GLT1D1: variants seen among roughly 807,000 people sequenced by gnomAD.
The protein encoded by GLT1D1 is glycosyltransferase 1 domain containing 1.
A neutral mutation model predicts 28.7 loss-of-function variants in GLT1D1; 21 were observed. That is an observed-to-expected ratio of 0.73 (90% confidence interval 0.52 to 1.05). The LOEUF is 1.05. Ranked by LOEUF, GLT1D1 falls within the 50% of genes least tolerant of loss-of-function variation. GLT1D1 has a pLI of 0.00. For synonymous variants in GLT1D1, 147 were observed against 124.8 expected, an observed-to-expected ratio of 1.18 and a Z score of -1.19; for missense variants, 343 against 330.6, an observed-to-expected ratio of 1.04 and a Z score of -0.29.
At chr12:128,907,303 C>CTT (rs11341281) in intron 4 of GLT1D1, among the ~76,000 whole-genome samples, 10 of 115,754 alleles carry the variant, frequency 8.6e-5, no homozygotes, top group South Asian at 2.8e-4. Context: ...GGAAGCTAAT[C>CTT]TTTTTTTTTT....
intron 4 of GLT1D1, among the ~76,000 whole-genome samples, chr12:128,936,158 T>TC (rs1391796032): frequency 1.3e-5 from 2 of 148,180 alleles, no homozygotes; most frequent in East Asian, 2.0e-4. Flanking sequence ...TAAAATATCT[T>TC]TTTTTTTTTT....
chr12:128,972,262 G>A (rs946683671), intron 7 of GLT1D1, among the ~76,000 whole-genome samples: 2 of 152,220 alleles, frequency 1.3e-5, no homozygotes, highest in Non-Finnish European at 2.9e-5. Context: ...TGTGACCACC[G>A]CCCATGCGGT....
At chr12:128,861,253 A>T (rs28451437) in intron 1 of GLT1D1, among the ~76,000 whole-genome samples, 1 of 152,178 alleles carries the variant, frequency 6.6e-6, no homozygotes, top group East Asian at 1.9e-4. Context: ...TGTTGTTCAC[A>T]TTTCTGCTTT....
chr12:128,972,869 GA>G lies in GLT1D1; in HGVS notation c.640-10057del, dbSNP rs1377963187. Among the ~76,000 whole-genome samples the G allele has an allele frequency of 5.9e-5, 9 of 152,308 alleles. No homozygotes were observed. In the East Asian group the frequency reaches 1.4e-3, roughly 23 times the overall value. On this transcript the variant is annotated intron_variant, in intron 7 of 7. Transcript: ENST00000281703. ...CTGTGTGCATCCATTGTGCAATGATGAAATCGAGCTAATTAACATTTCCATC... is the reference window on the plus strand; with the variant it reads ...CTGTGTGCATCCATTGTGCAATGATGAATCGAGCTAATTAACATTTCCATC...
chr12:128,890,868 C>T (rs1868967786), intron 3 of GLT1D1, among the ~76,000 whole-genome samples: 2 of 152,054 alleles, frequency 1.3e-5, no homozygotes, highest in African/African-American at 4.8e-5. Context: ...ACATGGTGGC[C>T]TGTGCCTGTA....
chr12:128,934,196 G>GTTTTTTTTTTTT (rs1410503648), intron 4 of GLT1D1, among the ~76,000 whole-genome samples: 1 of 128,686 alleles, frequency 7.8e-6, no homozygotes. Context: ...CAAAGAGACA[G>GTTTTTTTTTTTT]TCTTTTTTTT....
intron 6 of GLT1D1, among the ~76,000 whole-genome samples, chr12:128,954,192 C>T (rs1371413531): frequency 1.3e-5 from 2 of 151,514 alleles, no homozygotes; most frequent in Non-Finnish European, 2.9e-5. Flanking sequence ...GGCGCGATCT[C>T]GGCTCACTGC....
intron 4 of GLT1D1, chr12:128,914,987 C>T: frequency 6.5e-7 from 1 of 1,535,046 alleles, no homozygotes; most frequent in Non-Finnish European, 8.7e-7. Context: ...CTTCAACGCT[C>T]TGGTGAGACA....
At chr12:128,927,016 T>C (rs536754725) in intron 4 of GLT1D1, 89 bp from the exon 8 acceptor site, 32 of 776,584 alleles carry the variant, frequency 4.1e-5, no homozygotes, top group African/African-American at 1.0e-4. Context: ...ATTTATGTTA[T>C]TGAGAAATTT....
intron 4 of GLT1D1, among the ~76,000 whole-genome samples, chr12:128,907,595 G>C (rs953001484): frequency 2.0e-5 from 3 of 152,096 alleles, no homozygotes; most frequent in Non-Finnish European, 4.4e-5. Context: ...GTAAGCCACC[G>C]TGCCCCGCCA....
chr12:128,922,490 A>G (rs995302573), intron 4 of GLT1D1, among the ~76,000 whole-genome samples: 2 of 152,176 alleles, frequency 1.3e-5, no homozygotes, highest in African/African-American at 4.8e-5. Context: ...TTGACTCTTG[A>G]CCTCATATTC....
rs866833101 is a variant in GLT1D1, at chr12:128,951,934, G to A, written c.540+4476G>A. Among the ~76,000 whole-genome samples, 6 of 152,280 alleles carry A rather than the reference G, an allele frequency of 3.9e-5. No homozygotes were observed. The South Asian group carries it at 1.2e-3, about 32-fold the overall frequency. ...TGTTGCATCTTTTCTGCTGAACTGCGGTTTTCCTTGGAGGCAGGGCCGTGC... is the reference window on the plus strand; with the variant it reads ...TGTTGCATCTTTTCTGCTGAACTGCAGTTTTCCTTGGAGGCAGGGCCGTGC... On this transcript the variant is annotated intron_variant, in intron 6 of 7. Transcript: ENST00000281703.
chr12:128,941,147 C>A (rs1251852199), intron 4 of GLT1D1, among the ~76,000 whole-genome samples: 1 of 152,208 alleles, frequency 6.6e-6, no homozygotes, highest in Non-Finnish European at 1.5e-5. Flanking sequence ...CTTGTTGCTG[C>A]CTAAGTTGGC....
chr12:128,946,225 A>C (rs1243161425), intron 5 of GLT1D1, among the ~76,000 whole-genome samples: 1 of 152,186 alleles, frequency 6.6e-6, no homozygotes, highest in Non-Finnish European at 1.5e-5. Context: ...GAAGATTTAC[A>C]TTGTCTGGTG....
At chr12:128,874,480 C>CTTTCT (rs779331436) in intron 1 of GLT1D1, among the ~76,000 whole-genome samples, 1 of 106,780 alleles carries the variant, frequency 9.4e-6, no homozygotes, top group East Asian at 2.8e-4. Context: ...CTGTGGCTGG[C>CTTTCT]TTTTTTTTTT....
At chr12:128,854,820 T>TGAGACTCCAC in intron 1 of GLT1D1, among the ~76,000 whole-genome samples, 1 of 152,252 alleles carries the variant, frequency 6.6e-6, no homozygotes, top group East Asian at 1.9e-4. Flanking sequence ...AATGAGCAAT[T>TGAGACTCCAC]GAGACTCCAC....
intron 7 of GLT1D1, among the ~76,000 whole-genome samples, chr12:128,962,820 G>A (rs1479930168): frequency 2.6e-5 from 4 of 152,028 alleles, no homozygotes; most frequent in African/African-American, 9.7e-5. Context: ...TCCTGTCTCA[G>A]CCTCCCGAGT....
intron 4 of GLT1D1, among the ~76,000 whole-genome samples, chr12:128,938,068 C>G (rs571791969): frequency 6.2e-4 from 94 of 152,294 alleles, no homozygotes; most frequent in African/African-American, 2.2e-3. Flanking sequence ...ACTAGAGAGG[C>G]AGCAGAGCAT....
Position 128,956,171 on chromosome 12 carries a change from A to AAAAAAAAAAAAAAAAAGAGAG in GLT1D1, c.541-1373_541-1372insAAAAAAAAAAAAAAAGAGAGA, listed in dbSNP as rs374597920. 7.0e-4 allele frequency among the ~76,000 whole-genome samples: 45 copies of AAAAAAAAAAAAAAAAAGAGAG among 63,952 alleles called. 2 individuals are homozygous for AAAAAAAAAAAAAAAAAGAGAG. Among genetic ancestry groups the AAAAAAAAAAAAAAAAAGAGAG allele is most frequent in the Non-Finnish European group, 1.4e-3 (41 of 28,302 alleles). 42.0% of individuals were successfully genotyped at this position (63,952 alleles called of 152,430 possible). A position where few individuals can be genotyped will look rare whatever the true frequency, so the allele number is the denominator to read the frequency against. ...GAGACTCCATCTCAAAAAAAAAAAAAAGAGAAAGAGAGAAAGAAAGAAAGA... is the reference window on the plus strand; with the variant it reads ...GAGACTCCATCTCAAAAAAAAAAAAAAAAAAAAAAAAAAAAAGAGAGAGAGAAAGAGAGAAAGAAAGAAAGA... On this transcript the variant is annotated intron_variant, in intron 6 of 7. Transcript: ENST00000281703.
Sources: allele counts gnomAD v4.1 joint callset (sites outside exome capture counted in the v4.1 genomes callset), GRCh38; gene constraint gnomAD v4.1.1; transcripts MANE v1.5; gene names NCBI Gene and HGNC (gene_info 2026-07-23, HGNC 2026-07-21).